The following SLC10A7 variants were observed in gnomAD, a reference collection of about 807,000 sequenced individuals.
The protein encoded by SLC10A7 is solute carrier family 10 member 7.
SLC10A7 carries 29 observed loss-of-function variants against 43.2 expected under a neutral mutation model. The observed-to-expected ratio is 0.67, with a 90% CI of 0.50 to 0.92. The LOEUF (loss-of-function observed/expected upper bound fraction) is 0.92, where lower values mean the gene tolerates loss of function less well. Ranked by LOEUF, SLC10A7 falls within the 40% of genes least tolerant of loss-of-function variation. The pLI is 0.00. For synonymous variants in SLC10A7, 152 were observed against 144.8 expected, an observed-to-expected ratio of 1.05 and a Z score of -0.35; for missense variants, 295 against 403.2, an observed-to-expected ratio of 0.73 and a Z score of 2.30.
chr4:146,313,283 G>A (rs901341083), intron 6 of SLC10A7, among the ~76,000 whole-genome samples: 3 of 152,168 alleles, frequency 2.0e-5, no homozygotes, highest in Admixed American at 1.3e-4. Context: ...CTTCAGTGAA[G>A]CCTGAGAAGT....
chr4:146,352,652 C>T (rs1391739065), intron 5 of SLC10A7, among the ~76,000 whole-genome samples: 1 of 122,002 alleles, frequency 8.2e-6, no homozygotes, highest in East Asian at 2.5e-4. Context: ...CTCTCCTCAG[C>T]AAATGTAAAA....
chr4:146,299,060 T>C (rs1730978938), intron 7 of SLC10A7, among the ~76,000 whole-genome samples: 1 of 152,246 alleles, frequency 6.6e-6, no homozygotes. Flanking sequence ...CAATAAAAGA[T>C]TAAGAAAAAT....
chr4:146,342,245 A>G lies in SLC10A7; in HGVS notation c.436-16249T>C, dbSNP rs543598367. ...TTTATTTGACTGATTTTATTTTTTA[A>G]TGTAGAAGTATTTTATCTATCTCTA... On this transcript the variant is annotated intron_variant, in intron 5 of 11. Transcript: ENST00000335472. 1.2e-4 allele frequency among the ~76,000 whole-genome samples: 18 copies of G among 151,874 alleles called. No homozygotes were observed. In the South Asian group the frequency reaches 3.7e-3, roughly 31 times the overall value.
intron 5 of SLC10A7, among the ~76,000 whole-genome samples, chr4:146,431,476 A>G (rs1579169481): frequency 6.6e-6 from 1 of 152,146 alleles, no homozygotes; most frequent in Admixed American, 6.5e-5. Flanking sequence ...ATACACATGA[A>G]TTTTTACCTG....
Position 146,314,177 on chromosome 4 carries a change from C to A in SLC10A7, c.472-8168G>T, listed in dbSNP as rs77125836. Among the ~76,000 whole-genome samples, 173 of 152,198 alleles carry A rather than the reference C, an allele frequency of 1.1e-3. 1 individual carries two copies. The East Asian group carries it at 0.02, about 17-fold the overall frequency. On this transcript the variant is annotated intron_variant, in intron 6 of 11. Coordinates refer to ENST00000335472, the MANE Select transcript of SLC10A7 (RefSeq NM_001029998.6). ...TCATATAAAGTGAAGATAATACCTC[C>A]AAAGCTAGTCATGCCTGTTACGTGG...
At chr4:146,417,387 C>A (rs919080076) in intron 5 of SLC10A7, among the ~76,000 whole-genome samples, 1 of 152,144 alleles carries the variant, frequency 6.6e-6, no homozygotes, top group Non-Finnish European at 1.5e-5. Flanking sequence ...CAATTTACAT[C>A]TTTTAAGATA....
chr4:146,306,044 C>A (rs1023743630), intron 6 of SLC10A7, 35 bp from the exon 7 acceptor site: 1 of 1,519,630 alleles, frequency 6.6e-7, no homozygotes. Flanking sequence ...AGAATTACTT[C>A]AAATCAGTTA....
intron 7 of SLC10A7, among the ~76,000 whole-genome samples, chr4:146,297,971 T>C (rs1730898641): frequency 6.6e-6 from 1 of 152,144 alleles, no homozygotes; most frequent in South Asian, 2.1e-4. Context: ...GAGAGTCAAG[T>C]CAACTTGCAT....
intron 5 of SLC10A7, among the ~76,000 whole-genome samples, chr4:146,430,124 A>G (rs1193235218): frequency 6.6e-6 from 1 of 151,006 alleles, no homozygotes; most frequent in African/African-American, 2.5e-5. Context: ...CCATAAAAGA[A>G]AAAAAAATAG....
chr4:146,376,817 C>T (rs747281581), intron 5 of SLC10A7, among the ~76,000 whole-genome samples: 14 of 152,178 alleles, frequency 9.2e-5, no homozygotes, highest in South Asian at 2.1e-4. Context: ...TAACCTGATG[C>T]GTCCACTTTA....
chr4:146,471,968 T>G, intron 4 of SLC10A7, among the ~76,000 whole-genome samples: 1 of 152,152 alleles, frequency 6.6e-6, no homozygotes, highest in South Asian at 2.1e-4. Context: ...ACCCATTTCC[T>G]GTTCTCCATA....
chr4:146,483,007 A>G (rs562552824), intron 4 of SLC10A7, among the ~76,000 whole-genome samples: 33 of 152,306 alleles, frequency 2.2e-4, no homozygotes, highest in African/African-American at 7.9e-4. Flanking sequence ...TCTTTTCAGA[A>G]AGGAAGGAGA....
intron 4 of SLC10A7, among the ~76,000 whole-genome samples, chr4:146,445,920 T>G (rs903348219): frequency 2.7e-5 from 4 of 147,744 alleles, no homozygotes; most frequent in Non-Finnish European, 4.5e-5. Flanking sequence ...TGTGTGCACG[T>G]GCGCACGCGC....
intron 5 of SLC10A7, among the ~76,000 whole-genome samples, chr4:146,373,651 T>G (rs910050636): frequency 1.1e-4 from 17 of 152,152 alleles, no homozygotes; most frequent in African/African-American, 4.1e-4. Context: ...ATAAAAATGT[T>G]TAATACTGTA....
intron 6 of SLC10A7, among the ~76,000 whole-genome samples, chr4:146,323,049 G>A (rs1251209744): frequency 6.6e-6 from 1 of 152,138 alleles, no homozygotes; most frequent in Non-Finnish European, 1.5e-5. Flanking sequence ...GATATCCTTT[G>A]CCCACTTGTT....
intron 11 of SLC10A7, chr4:146,256,991 G>A: frequency 5.7e-6 from 7 of 1,218,948 alleles, no homozygotes; most frequent in Non-Finnish European, 8.1e-6. Context: ...TTTTGGAAAT[G>A]CTTCTGTTAT....
intron 10 of SLC10A7, among the ~76,000 whole-genome samples, chr4:146,260,523 TG>T (rs1229605474): frequency 6.6e-6 from 1 of 152,224 alleles, no homozygotes; most frequent in Admixed American, 6.5e-5. Context: ...GCTAAGAATC[TG>T]GGCTCTGTGT....
intron 6 of SLC10A7, among the ~76,000 whole-genome samples, chr4:146,313,613 A>G (rs531054330): frequency 1.3e-5 from 2 of 152,152 alleles, no homozygotes; most frequent in Non-Finnish European, 2.9e-5. Context: ...GAAACAAATT[A>G]TAAAAAATAA....
chr4:146,426,618 G>A (rs1729372735), intron 5 of SLC10A7, among the ~76,000 whole-genome samples: 1 of 152,218 alleles, frequency 6.6e-6, no homozygotes. Context: ...GCTCACACCT[G>A]CAATCCCAGC....
Sources: gnomAD v4.1 joint callset for allele counts (sites outside exome capture counted in the v4.1 genomes callset) on GRCh38, gnomAD v4.1.1 for gene constraint, MANE v1.5 for transcripts, NCBI Gene and HGNC (gene_info 2026-07-23, HGNC 2026-07-21) for gene names.